The following KCNN2 variants were observed in gnomAD, a reference collection of about 807,000 sequenced individuals.
KCNN2 encodes potassium calcium-activated channel subfamily N member 2.
In KCNN2, 24 loss-of-function variants were observed where a neutral mutation model predicts 55.5. The observed-to-expected ratio is 0.43, with a 90% confidence interval of 0.31 to 0.61. The LOEUF (loss-of-function observed/expected upper bound fraction) is 0.61. Ranked by LOEUF, KCNN2 falls within the 20% of genes least tolerant of loss-of-function variation. KCNN2 has a pLI of 0.08. For missense variants in KCNN2, 754 were observed against 853.6 expected, an observed-to-expected ratio of 0.88 and a Z score of 1.45; for synonymous variants, 431 against 336.1, an observed-to-expected ratio of 1.28 and a Z score of -3.09.
At chr5:114,455,630 A>C (rs1363274494) in intron 3 of KCNN2, among the ~76,000 whole-genome samples, 1 of 152,264 alleles carries the variant, frequency 6.6e-6, no homozygotes, top group East Asian at 1.9e-4. Context: ...AAGGCATTTC[A>C]AAAGCTGGGA....
intron 2 of KCNN2, among the ~76,000 whole-genome samples, chr5:114,330,641 C>G (rs566326175): frequency 1.3e-5 from 2 of 152,328 alleles, no homozygotes; most frequent in South Asian, 4.1e-4. Flanking sequence ...TGTCCTCTTC[C>G]TGGAGCACAC....
At chr5:114,085,891 T>C (rs1472491509) in intron 1 of KCNN2, among the ~76,000 whole-genome samples, 2 of 152,138 alleles carry the variant, frequency 1.3e-5, no homozygotes, top group African/African-American at 2.4e-5. Context: ...TTTTGCTTTA[T>C]ATATTTTGAA....
intron 1 of KCNN2, among the ~76,000 whole-genome samples, chr5:114,220,462 G>T (rs1754109759): frequency 6.6e-6 from 1 of 151,732 alleles, no homozygotes; most frequent in Admixed American, 6.6e-5. Context: ...ATTATCCAAA[G>T]AAATACAAAT....
chr5:114,287,384 G>T (rs1371979938), intron 2 of KCNN2, among the ~76,000 whole-genome samples: 13 of 152,176 alleles, frequency 8.5e-5, no homozygotes, highest in Admixed American at 8.5e-4. Context: ...TAAAGAAAAT[G>T]TGGCACATAT....
At chr5:114,356,829 T>G (rs542408093) in intron 2 of KCNN2, among the ~76,000 whole-genome samples, 42 of 152,272 alleles carry the variant, frequency 2.8e-4, no homozygotes, top group Admixed American at 2.6e-3. Flanking sequence ...ATGTGTGATT[T>G]AAAAATAATG....
chr5:114,171,180 T>G (rs1192862032), intron 1 of KCNN2, among the ~76,000 whole-genome samples: 1 of 152,022 alleles, frequency 6.6e-6, no homozygotes, highest in African/African-American at 2.4e-5. Flanking sequence ...AGTACCAAAG[T>G]AAAAGCCATT....
upstream of KCNN2, chr5:114,361,196 G>GA (rs1757410057): frequency 6.6e-6 from 1 of 152,224 alleles, no homozygotes; most frequent in Middle Eastern, 3.2e-3. Flanking sequence ...CGCCAGGGGG[G>GA]ACCCGGGAAG....
At chr5:114,359,747 T>G (rs1010530872), upstream of KCNN2, among the ~76,000 whole-genome samples, 1 of 152,248 alleles carries the variant, frequency 6.6e-6, no homozygotes, top group Non-Finnish European at 1.5e-5. Flanking sequence ...ATCAAACATT[T>G]TCACTCAATC....
In KCNN2 at chr5:114,326,528, T is replaced by C. The variant is rs550775523; in HGVS notation, c.-184-34417T>C. Among the ~76,000 whole-genome samples, 19 of 152,292 alleles carry C rather than the reference T, an allele frequency of 1.2e-4. No homozygotes were observed. In the East Asian group the frequency reaches 3.3e-3, roughly 26 times the overall value. ...ATGGCCAGTTCTGCCTGTGGGTCCA[T>C]GTTCAAAGGTGAGTGCCTCTAGAAA... is the stretch of plus-strand genomic sequence containing the variant. On this transcript the variant is annotated intron_variant, in intron 2 of 10. Coordinates refer to the KCNN2 transcript ENST00000512097.
Position 114,363,105 on chromosome 5 carries a change from C to CA in KCNN2, c.971dup (p.Lys325GlufsTer92). ...GCAGCAGCAGTGGCACCAAGTCCAG[C>CA]AAAAAGAAAAACCAGAACATCGGCT... On this transcript the variant is annotated frameshift_variant, in exon 1 of 8. Coordinates refer to ENST00000673685, the MANE Select transcript of KCNN2 (RefSeq NM_021614.4). LOFTEE classifies it high-confidence loss of function. The CA allele has an allele frequency of 6.2e-7, 1 of 1,613,044 alleles. No individual in the cohort carries two copies. Among genetic ancestry groups the CA allele is most frequent in the Non-Finnish European group, 8.5e-7 (1 of 1,179,916 alleles).
chr5:114,356,658 A>G (rs988925100), intron 2 of KCNN2, among the ~76,000 whole-genome samples: 1 of 152,058 alleles, frequency 6.6e-6, no homozygotes, highest in African/African-American at 2.4e-5. Flanking sequence ...ATTAGCCCCT[A>G]AAAAAATAGA....
In KCNN2 at chr5:114,493,516, T is replaced by G. The variant is rs775317606; in HGVS notation, c.2088+44T>G. On this transcript the variant is annotated intron_variant, in intron 7 of 7. Transcript: ENST00000673685. ...GCCCTCCTAGTTGCATCTGTTGAAA[T>G]CAACCACTTCACAGTCACTAATCAT... 16 of 1,268,868 alleles carry G rather than the reference T, an allele frequency of 1.3e-5. 1 individual carries two copies. The African/African-American group carries it at 1.8e-4, about 14-fold the overall frequency. 78.6% of individuals were successfully genotyped at this position (1,268,868 alleles called of 1,614,324 possible). A position where few individuals can be genotyped will look rare whatever the true frequency, so the allele number is the denominator to read the frequency against.
At chr5:114,451,181 C>T (rs760092135) in intron 3 of KCNN2, among the ~76,000 whole-genome samples, 1 of 152,200 alleles carries the variant, frequency 6.6e-6, no homozygotes, top group Non-Finnish European at 1.5e-5. Context: ...AACAAAACCT[C>T]TTTGTCCTCT....
intron 2 of KCNN2, among the ~76,000 whole-genome samples, chr5:114,237,325 A>C (rs1435728016): frequency 6.6e-6 from 1 of 151,686 alleles, no homozygotes; most frequent in Non-Finnish European, 1.5e-5. Context: ...ACAGAAAAAA[A>C]AAATGCCCTG....
At chr5:114,382,517 G>C (rs1758155248) in intron 2 of KCNN2, among the ~76,000 whole-genome samples, 1 of 152,088 alleles carries the variant, frequency 6.6e-6, no homozygotes. Context: ...TTTATGTTTT[G>C]TGTGCCATGT....
intron 2 of KCNN2, among the ~76,000 whole-genome samples, chr5:114,235,011 A>G (rs1003455205): frequency 1.3e-5 from 2 of 152,184 alleles, no homozygotes; most frequent in Non-Finnish European, 2.9e-5. Flanking sequence ...TAACAGTTTC[A>G]CAGTTATCCT....
chr5:114,246,611 C>A (rs1165479621), intron 2 of KCNN2, among the ~76,000 whole-genome samples: 2 of 152,092 alleles, frequency 1.3e-5, no homozygotes, highest in African/African-American at 4.8e-5. Flanking sequence ...TTTAGAGCTA[C>A]TGTACCTTTA....
At chr5:114,294,261 T>C in intron 2 of KCNN2, among the ~76,000 whole-genome samples, 1 of 152,174 alleles carries the variant, frequency 6.6e-6, no homozygotes, top group African/African-American at 2.4e-5. Flanking sequence ...CTCTTGCTTT[T>C]CTAGTTCTTT....
upstream of KCNN2, among the ~76,000 whole-genome samples, chr5:114,359,379 TATTTCTACATG>T (rs1335532749): frequency 8.5e-5 from 13 of 152,338 alleles, no homozygotes; most frequent in East Asian, 1.7e-3. Context: ...CTGAGATGAT[TATTTCTACATG>T]ATTTCTACAT....
Sources: allele counts gnomAD v4.1 joint callset (sites outside exome capture counted in the v4.1 genomes callset), GRCh38; gene constraint gnomAD v4.1.1; transcripts MANE v1.5; gene names NCBI Gene and HGNC (gene_info 2026-07-23, HGNC 2026-07-21).